PRKCA: variants seen among roughly 807,000 people sequenced by gnomAD.
The protein encoded by PRKCA is protein kinase C alpha, also known as protein kinase C alpha type.
PRKCA carries 27 observed loss-of-function variants against 87.0 expected under a neutral mutation model. The observed-to-expected ratio is 0.31, with a 90% confidence interval of 0.23 to 0.43. PRKCA has a LOEUF of 0.43. PRKCA is among the 20% of genes least tolerant of loss of function. PRKCA has a pLI of 1.00. For missense variants in PRKCA, 518 were observed against 852.3 expected (o/e 0.61, Z 4.88); for synonymous variants, 329 against 311.1 (o/e 1.06, Z -0.61).
At chr17:66,395,361 C>T (rs556693134) in intron 2 of PRKCA, among the ~76,000 whole-genome samples, 22 of 152,186 alleles carry the variant, frequency 1.4e-4, no homozygotes, top group African/African-American at 4.6e-4. Flanking sequence ...AACTTATAAC[C>T]GGTATGTTCA....
intron 2 of PRKCA, among the ~76,000 whole-genome samples, chr17:66,473,484 G>A (rs1249746392): frequency 6.6e-6 from 1 of 152,138 alleles, no homozygotes; most frequent in African/African-American, 2.4e-5. Flanking sequence ...GTGTCTTGCA[G>A]CCTAGACCCT....
chr17:66,604,579 C>T (rs1257961615), intron 3 of PRKCA, among the ~76,000 whole-genome samples: 1 of 152,140 alleles, frequency 6.6e-6, no homozygotes, highest in Admixed American at 6.5e-5. Flanking sequence ...GGACAAAGCA[C>T]CAGTGTACAA....
At chr17:66,606,064 A>G (rs1304151933) in intron 3 of PRKCA, among the ~76,000 whole-genome samples, 3 of 152,192 alleles carry the variant, frequency 2.0e-5, no homozygotes, top group Non-Finnish European at 4.4e-5. Context: ...ATTGTCTGGT[A>G]TGTGAATTGT....
Position 66,344,426 on chromosome 17 carries a change from C to T in PRKCA, c.205+38299C>T, listed in dbSNP as rs367673895. On this transcript the variant is annotated intron_variant, in intron 2 of 16. Coordinates refer to ENST00000413366, the MANE Select transcript of PRKCA (RefSeq NM_002737.3). ...ATCCCAGCACTTTGGGAGGCTGAGG[C>T]GGGCAGATAGCTTGAGCTCAGGAGC... 1.1e-3 allele frequency among the ~76,000 whole-genome samples: 171 copies of T among 152,124 alleles called. 4 individuals are homozygous for T. The South Asian group carries it at 0.03, about 27-fold the overall frequency.
intron 8 of PRKCA, among the ~76,000 whole-genome samples, chr17:66,710,814 G>A (rs1234869826): frequency 6.6e-6 from 1 of 151,750 alleles, no homozygotes; most frequent in African/African-American, 2.4e-5. Flanking sequence ...TGGATCACCC[G>A]AGGTCAGGAG....
intron 3 of PRKCA, among the ~76,000 whole-genome samples, chr17:66,610,288 G>T (rs1970320315): frequency 6.6e-6 from 1 of 152,196 alleles, no homozygotes; most frequent in African/African-American, 2.4e-5. Flanking sequence ...GAGGGGCCCA[G>T]AGCTTCCATG....
At chr17:66,774,377 T>C in intron 14 of PRKCA, 1 of 1,147,578 alleles carries the variant, frequency 8.7e-7, no homozygotes, top group Non-Finnish European at 1.1e-6. Flanking sequence ...TCCCAGCACT[T>C]TCAGAAGCCA....
Position 66,420,505 on chromosome 17 carries a change from AG to A in PRKCA, c.206-75695del, listed in dbSNP as rs1236669225. ...ACGACCATTCTGTTTTTCATTTTTC[AG>A]CACAGCATTCAGTAAATACACAAGA... On this transcript the variant is annotated intron_variant, in intron 2 of 16. Coordinates refer to ENST00000413366, the MANE Select transcript of PRKCA (RefSeq NM_002737.3). 2.0e-5 allele frequency among the ~76,000 whole-genome samples: 3 copies of A among 152,152 alleles called. No homozygotes were observed. In the East Asian group the frequency reaches 5.8e-4, roughly 29 times the overall value.
At chr17:66,654,322 C>T (rs535723935) in intron 5 of PRKCA, among the ~76,000 whole-genome samples, 3 of 152,252 alleles carry the variant, frequency 2.0e-5, no homozygotes, top group African/African-American at 4.8e-5. Context: ...GAAGAGAAAC[C>T]GACACTGATT....
At chr17:66,545,641 A>G (rs531744131) in intron 3 of PRKCA, among the ~76,000 whole-genome samples, 34 of 152,318 alleles carry the variant, frequency 2.2e-4, no homozygotes, top group Non-Finnish European at 4.0e-4. Flanking sequence ...GGCTCTGTCA[A>G]TATCAGTTTT....
At chr17:66,493,798 A>G (rs1161739926) in intron 2 of PRKCA, among the ~76,000 whole-genome samples, 2 of 152,162 alleles carry the variant, frequency 1.3e-5, no homozygotes, top group Non-Finnish European at 2.9e-5. Flanking sequence ...TCAGTCAGCA[A>G]GTCTCATCGT....
chr17:66,616,968 G>A (rs932846040), intron 3 of PRKCA, among the ~76,000 whole-genome samples: 4 of 152,096 alleles, frequency 2.6e-5, no homozygotes, highest in African/African-American at 9.7e-5. Context: ...GGGTACGAAC[G>A]GGACATAGGG....
intron 2 of PRKCA, among the ~76,000 whole-genome samples, chr17:66,371,978 G>A (rs1017735183): frequency 6.6e-6 from 1 of 152,244 alleles, no homozygotes; most frequent in African/African-American, 2.4e-5. Context: ...GTGAGACGCT[G>A]TATCCAGGGT....
chr17:66,531,896 T>C lies in PRKCA; in HGVS notation c.288+35613T>C, dbSNP rs546308395. ...TTTTCCTTCCCCAGACCTCATAGTC[T>C]GGAGCCCATGTTTCCAGGGGTGGAA... On this transcript the variant is annotated intron_variant, in intron 3 of 16. Transcript: ENST00000413366. Among the ~76,000 whole-genome samples, 57 of 152,324 alleles carry C rather than the reference T, an allele frequency of 3.7e-4. 1 individual carries two copies. The South Asian group carries it at 0.011, about 30-fold the overall frequency.
intron 2 of PRKCA, among the ~76,000 whole-genome samples, chr17:66,439,955 C>G (rs544914495): frequency 6.6e-6 from 1 of 152,314 alleles, no homozygotes; most frequent in East Asian, 1.9e-4. Context: ...CTGTCTCCTT[C>G]TGCTGATGGA....
chr17:66,405,195 T>C (rs1382644082), intron 2 of PRKCA, among the ~76,000 whole-genome samples: 1 of 152,194 alleles, frequency 6.6e-6, no homozygotes, highest in Non-Finnish European at 1.5e-5. Context: ...GTGCCGACAC[T>C]GCGTGCACTC....
At chr17:66,395,721 T>G (rs1910625691) in intron 2 of PRKCA, among the ~76,000 whole-genome samples, 1 of 152,242 alleles carries the variant, frequency 6.6e-6, no homozygotes, top group African/African-American at 2.4e-5. Context: ...TTCAGCTGAT[T>G]TTTTAACAGC....
chr17:66,729,476 G>A (rs1476578794), intron 8 of PRKCA, among the ~76,000 whole-genome samples: 1 of 152,178 alleles, frequency 6.6e-6, no homozygotes, highest in Non-Finnish European at 1.5e-5. Flanking sequence ...CATTGCCGGG[G>A]CCAGTTTTTA....
chr17:66,730,223 T>G (rs2144193027), intron 8 of PRKCA, among the ~76,000 whole-genome samples: 1 of 152,108 alleles, frequency 6.6e-6, no homozygotes. Context: ...ACTGTTAGAG[T>G]TGGGAATCTA....
Sources: gnomAD v4.1 joint callset for allele counts (sites outside exome capture counted in the v4.1 genomes callset) on GRCh38, gnomAD v4.1.1 for gene constraint, MANE v1.5 for transcripts, NCBI Gene and HGNC (gene_info 2026-07-23, HGNC 2026-07-21) for gene names.